The following ITFG2 variants were observed in gnomAD, a reference collection of about 807,000 sequenced individuals.
ITFG2 encodes the protein integrin alpha FG-GAP repeat containing 2, also known as KICSTOR complex protein ITFG2.
A neutral mutation model predicts 54.4 loss-of-function variants in ITFG2; 36 were observed. That is an observed-to-expected ratio of 0.66 (90% confidence interval 0.51 to 0.87). The LOEUF is 0.87. ITFG2 is among the 40% of genes least tolerant of loss of function. The probability of loss-of-function intolerance (pLI) is 0.00; values close to 1 mark genes in which losing one functional copy is unlikely to be tolerated. For synonymous variants in ITFG2, 211 were observed against 225.4 expected (o/e 0.94, Z 0.57); for missense variants, 524 against 576.7 (o/e 0.91, Z 0.94).
downstream of ITFG2, chr12:2,830,950 T>TCCCCCCCCCC (rs544510879): frequency 7.2e-7 from 1 of 1,383,864 alleles, no homozygotes; most frequent in African/African-American, 1.5e-5. Flanking sequence ...CCCAGGATGC[T>TCCCCCCCCCC]CCCCCCACCC....
intron 2 of ITFG2, among the ~76,000 whole-genome samples, chr12:2,851,531 CAG>C (rs1407193113): frequency 6.6e-6 from 1 of 150,978 alleles, no homozygotes. Context: ...TTAGTGGAGA[CAG>C]GGTTTCGCCA....
chr12:2,817,720 T>C, intron 2 of ITFG2, 189 bp from the exon 3 acceptor site: 1 of 551,792 alleles, frequency 1.8e-6, no homozygotes, highest in South Asian at 3.0e-5. Flanking sequence ...GTCTTCATGT[T>C]GCTGTCTGGG....
intron 9 of ITFG2, among the ~76,000 whole-genome samples, chr12:2,822,083 A>G (rs2097947388): frequency 6.6e-6 from 1 of 152,032 alleles, no homozygotes; most frequent in Non-Finnish European, 1.5e-5. Context: ...GTGTGCCACC[A>G]CACTGGGCTA....
chr12:2,821,304 T>G lies in ITFG2; in HGVS notation c.738T>G (p.Ser246=). The change falls in exon 7 of 12, where the codon TCT becomes TCG. Residue 246 remains serine, a synonymous_variant. Coordinates refer to ENST00000228799, the MANE Select transcript of ITFG2 (RefSeq NM_018463.4). ...GAGACGTGGTGCTGCACCAGACATC[T>G]GGCCGTATCCACAACAAGAATGTCT... The part of the protein sequence containing the change: ...AARDVVLHQT[S]GRIHNKNVST... The G allele has an allele frequency of 1.2e-6, 2 of 1,610,452 alleles. No homozygotes were observed. The highest frequency in any genetic ancestry group is 1.7e-6 in the Non-Finnish European group (2 of 1,178,350).
intron 1 of ITFG2, 104 bp downstream of exon 1, chr12:2,812,960 C>A: frequency 1.1e-6 from 1 of 939,394 alleles, no homozygotes. Context: ...TGAGCATGCG[C>A]GCTGTGGCTA....
chr12:2,821,482 C>G (rs2097944245), intron 7 of ITFG2, 61 bp from the exon 8 acceptor site: 1 of 1,586,226 alleles, frequency 6.3e-7, no homozygotes, highest in Non-Finnish European at 8.7e-7. Flanking sequence ...CAGAACACCC[C>G]TCTCCCCGTA....
intron 1 of ITFG2, among the ~76,000 whole-genome samples, chr12:2,813,834 GGAAA>G (rs944943375): frequency 6.6e-6 from 1 of 152,158 alleles, no homozygotes; most frequent in African/African-American, 2.4e-5. Flanking sequence ...TCTCTGGGGA[GGAAA>G]GAGTTATTCT....
chr12:2,846,739 A>G (rs986796986), intron 2 of ITFG2, among the ~76,000 whole-genome samples: 1 of 151,704 alleles, frequency 6.6e-6, no homozygotes, highest in Non-Finnish European at 1.5e-5. Flanking sequence ...TTCACCCCTC[A>G]ATTCTGCTCT....
Position 2,812,729 on chromosome 12 carries a change from G to C in ITFG2, c.-32G>C, listed in dbSNP as rs532036343. The C allele has an allele frequency of 6.4e-7, 1 of 1,574,194 alleles. No individual in the cohort carries two copies. The highest frequency in any genetic ancestry group is 1.1e-5 in the South Asian group (1 of 90,156). On this transcript the variant is annotated 5_prime_UTR_variant, in exon 1 of 12. Transcript: ENST00000228799. ...CGGGGGTTCAGGGAATATTTACTGG[G>C]CCTCTCCGCTCCCTCTGCTCTTGGA...
In ITFG2 at chr12:2,821,777, G is replaced by T. The variant is rs780169218; in HGVS notation, c.933G>T (p.Glu311Asp). The T allele has an allele frequency of 3.7e-6, 6 of 1,613,746 alleles. No homozygotes were observed. In the South Asian group the frequency reaches 5.5e-5, roughly 15 times the overall value. Residue 311 changes from glutamate to aspartate, a missense_variant, in exon 9 of 12, where the codon GAG becomes GAT. By Grantham distance (45) the Glu-to-Asp change is conservative (BLOSUM62 2). Transcript: ENST00000228799. ...VQVDHQLFAL[E>D]KLDVTGNGHE... is the part of the protein sequence containing the mutation. Reference sequence around the variant, plus strand: ...TGGATCACCAGCTCTTTGCCCTGGAGAAACTGGATGTCACCGTGAGTGGAA... The same window carrying T: ...TGGATCACCAGCTCTTTGCCCTGGATAAACTGGATGTCACCGTGAGTGGAA...
At chr12:2,819,006 C>T (rs1000135508) in intron 4 of ITFG2, among the ~76,000 whole-genome samples, 3 of 150,342 alleles carry the variant, frequency 2.0e-5, no homozygotes, top group Admixed American at 1.3e-4. Flanking sequence ...CAACAGACTC[C>T]GTCTCCAAAA....
At chr12:2,858,952 T>C in intron 3 of ITFG2, 1 of 1,613,500 alleles carries the variant, frequency 6.2e-7, no homozygotes, top group East Asian at 2.2e-5. Flanking sequence ...GGAGTGGTGC[T>C]GAGATCCATC....
intron 2 of ITFG2, among the ~76,000 whole-genome samples, chr12:2,850,475 C>CAA (rs1275655927): frequency 0.025 from 1,779 of 70,616 alleles, 69 homozygotes; most frequent in African/African-American, 0.076. Flanking sequence ...GACTCTGTCT[C>CAA]AAAAAAAAAA....
At chr12:2,848,912 CTCCT>C (rs2098061239) in intron 2 of ITFG2, 3 of 371,208 alleles carry the variant, frequency 8.1e-6, no homozygotes, top group Non-Finnish European at 1.5e-5. Context: ...CACACACACA[CTCCT>C]TCCTTCCCAC....
At chr12:2,853,465 G>A (rs981222113) in intron 2 of ITFG2, among the ~76,000 whole-genome samples, 1 of 151,960 alleles carries the variant, frequency 6.6e-6, no homozygotes, top group Non-Finnish European at 1.5e-5. Context: ...TAGAGACGGG[G>A]TTTCACCATG....
chr12:2,846,065 C>T (rs1054342371), intron 2 of ITFG2, among the ~76,000 whole-genome samples: 5 of 152,240 alleles, frequency 3.3e-5, no homozygotes, highest in East Asian at 1.9e-4. Context: ...ATTGCTGCCC[C>T]GCAGACCCCC....
At chr12:2,827,803 G>C, downstream of ITFG2, 1 of 1,603,278 alleles carries the variant, frequency 6.2e-7, no homozygotes, top group South Asian at 1.1e-5. The surrounding 1 kb of genome is among the most constrained non-coding windows in gnomAD (Gnocchi z 4.0). Context: ...CACAGAGATG[G>C]GGGATAGTCA....
downstream of ITFG2, among the ~76,000 whole-genome samples, chr12:2,831,514 G>A (rs1252043637): frequency 7.2e-5 from 11 of 151,872 alleles, no homozygotes; most frequent in South Asian, 4.2e-4. Context: ...AACCTAGAAG[G>A]CAGAGGTTGC....
chr12:2,851,815 A>G (rs1354984247), intron 2 of ITFG2, among the ~76,000 whole-genome samples: 1 of 152,070 alleles, frequency 6.6e-6, no homozygotes, highest in Non-Finnish European at 1.5e-5. Context: ...AGTAGCTGGG[A>G]TTACAGGCAT....
Sources: allele counts gnomAD v4.1 joint callset (sites outside exome capture counted in the v4.1 genomes callset), GRCh38; gene constraint gnomAD v4.1.1; non-coding constraint Gnocchi (gnomAD v3.1); transcripts MANE v1.5; gene names NCBI Gene and HGNC (gene_info 2026-07-23, HGNC 2026-07-21).